The following ARHGEF3 variants were observed in gnomAD, a reference collection of about 807,000 sequenced individuals.
ARHGEF3 encodes the protein Rho guanine nucleotide exchange factor 3.
A neutral mutation model predicts 63.2 loss-of-function variants in ARHGEF3; 28 were observed. The ratio of observed to expected loss-of-function variants is 0.44; its 90% CI spans 0.33 to 0.61. The LOEUF (loss-of-function observed/expected upper bound fraction) is 0.61, where lower values mean the gene tolerates loss of function less well. ARHGEF3 is among the 20% of genes least tolerant of loss of function. ARHGEF3 has a pLI of 0.03. For missense variants in ARHGEF3, 533 were observed against 659.3 expected (o/e 0.81, Z 2.10); for synonymous variants, 266 against 254.2 (o/e 1.05, Z -0.44).
chr3:56,980,587 G>T (rs986940190), intron 2 of ARHGEF3, among the ~76,000 whole-genome samples: 1 of 152,184 alleles, frequency 6.6e-6, no homozygotes, highest in Non-Finnish European at 1.5e-5. Flanking sequence ...TACCCATAAT[G>T]AGTACAATGG....
At chr3:56,823,525 C>T (rs1443819228) in intron 4 of ARHGEF3, among the ~76,000 whole-genome samples, 1 of 152,128 alleles carries the variant, frequency 6.6e-6, no homozygotes, top group Non-Finnish European at 1.5e-5. Context: ...ATCTGACTGG[C>T]TCCCAGAATC....
Position 56,801,715 on chromosome 3 carries a change from G to A in ARHGEF3, c.84C>T (p.Ala28=). The change falls in exon 1 of 10, where the codon GCC becomes GCT. Residue 28 remains alanine, a synonymous_variant. Transcript: ENST00000296315. The part of the protein sequence containing the change: ...SLELPPASGP[A]KDAEEPSNKR... ...GGCGCGGCCCTACCTCAGCGTCCTT[G>A]GCCGGACCGCTGGCCGGGGGTAGCT... 6.4e-7 allele frequency: 1 copy of A among 1,560,944 alleles called. No homozygotes were observed.
chr3:56,732,119 G>T, intron 9 of ARHGEF3, 119 bp downstream of exon 9: 1 of 1,171,066 alleles, frequency 8.5e-7, no homozygotes, highest in Non-Finnish European at 1.2e-6. Flanking sequence ...TGATGAAATA[G>T]CATACAAATG....
At position 56,745,269 on chromosome 3, in the gene ARHGEF3, A is replaced by G. The variant is rs1432762152; in HGVS notation, c.806T>C (p.Leu269Pro). 6.2e-7 allele frequency: 1 copy of G among 1,614,114 alleles called. No homozygotes were observed. The highest frequency in any genetic ancestry group is 2.2e-5 in the East Asian group (1 of 44,886). The change falls in exon 7 of 10, where the codon CTT (leucine) becomes CCT (proline). Residue 269 changes from leucine to proline, a missense_variant. By Grantham distance (98) the Leu-to-Pro change is moderately conservative. Transcript: ENST00000296315. ...PRSRLVKYPL[L>P]LREILRHTPN... is the part of the protein sequence containing the mutation. ...TGTGTGCCTCAAGATTTCTCGGAGA[A>G]GCAGAGGGTATTTTACCAGGCGGCT...
intron 3 of ARHGEF3, among the ~76,000 whole-genome samples, chr3:56,937,123 T>C (rs1183450509): frequency 1.3e-5 from 2 of 152,152 alleles, no homozygotes; most frequent in Non-Finnish European, 2.9e-5. Context: ...GAAATCATGG[T>C]CCTTGATTGG....
chr3:57,049,643 A>G (rs1704592923), intron 1 of ARHGEF3, among the ~76,000 whole-genome samples: 1 of 152,212 alleles, frequency 6.6e-6, no homozygotes. Flanking sequence ...TTTACTACCT[A>G]GAATTGGAGT....
At chr3:56,821,172 T>C (rs1391545855) in intron 4 of ARHGEF3, among the ~76,000 whole-genome samples, 2 of 150,830 alleles carry the variant, frequency 1.3e-5, no homozygotes, top group African/African-American at 4.9e-5. Flanking sequence ...AAAAAATAAA[T>C]AAATAAAAAA....
At chr3:56,737,542 C>T (rs2033714717) in intron 7 of ARHGEF3, among the ~76,000 whole-genome samples, 187 bp from the exon 8 acceptor site, 2 of 151,304 alleles carry the variant, frequency 1.3e-5, no homozygotes, top group Non-Finnish European at 2.9e-5. Context: ...TCTATCTATC[C>T]ATCTGTACAC....
At chr3:56,756,227 T>C (rs2035058122) in intron 2 of ARHGEF3, among the ~76,000 whole-genome samples, 1 of 152,182 alleles carries the variant, frequency 6.6e-6, no homozygotes, top group Admixed American at 6.5e-5. Flanking sequence ...TCATCACACT[T>C]ATTGGAGACT....
chr3:56,820,705 A>C (rs1353371814), intron 4 of ARHGEF3, among the ~76,000 whole-genome samples: 1 of 152,222 alleles, frequency 6.6e-6, no homozygotes, highest in Non-Finnish European at 1.5e-5. Flanking sequence ...AATTAACTGT[A>C]CAAGGACGTC....
intron 3 of ARHGEF3, among the ~76,000 whole-genome samples, chr3:56,947,241 A>G (rs1464247778): frequency 6.6e-6 from 1 of 152,216 alleles, no homozygotes; most frequent in Non-Finnish European, 1.5e-5. Context: ...ATAATCAGCT[A>G]ACATCATGAT....
intron 1 of ARHGEF3, among the ~76,000 whole-genome samples, chr3:57,063,821 C>G (rs1705372549): frequency 2.0e-5 from 3 of 152,092 alleles, no homozygotes; most frequent in Non-Finnish European, 4.4e-5. Context: ...GGAAGCCAAG[C>G]CTGCCTGAAA....
chr3:56,944,072 C>T (rs577213430), intron 3 of ARHGEF3, among the ~76,000 whole-genome samples: 15 of 151,602 alleles, frequency 9.9e-5, no homozygotes, highest in South Asian at 2.1e-4. Context: ...GCTACTCGGG[C>T]GGCTGAGGCA....
In ARHGEF3 at chr3:56,920,743, A is replaced by G. The variant is rs115759828; in HGVS notation, c.129+38080T>C. Among the ~76,000 whole-genome samples the G allele has an allele frequency of 9.0e-3, 1,366 of 152,296 alleles. 22 individuals carry two copies. Among genetic ancestry groups the G allele is most frequent in the African/African-American group, 0.031 (1,286 of 41,558 alleles). The stretch of plus-strand genomic sequence containing the variant: ...AAAATTCCACAAACTGAATTTAAAA[A>G]TAGGTAGTAAAAAAATCTCATGGCC... On this transcript the variant is annotated intron_variant, in intron 3 of 12. Transcript: ENST00000338458.
intron 2 of ARHGEF3, among the ~76,000 whole-genome samples, chr3:56,985,538 C>T (rs1401904516): frequency 6.6e-6 from 1 of 152,256 alleles, no homozygotes; most frequent in African/African-American, 2.4e-5. Flanking sequence ...CACCCCTGAA[C>T]TGGGGCTCTG....
chr3:57,058,475 C>T (rs1013669225), intron 1 of ARHGEF3, among the ~76,000 whole-genome samples: 21 of 152,180 alleles, frequency 1.4e-4, no homozygotes, highest in African/African-American at 4.6e-4. Flanking sequence ...ACTTGAAATG[C>T]TCACATGCCA....
chr3:56,918,495 G>C (rs928345987), intron 3 of ARHGEF3, among the ~76,000 whole-genome samples: 2 of 152,202 alleles, frequency 1.3e-5, no homozygotes, highest in African/African-American at 2.4e-5. Flanking sequence ...GAAACTTGAG[G>C]GGCTCCAGGG....
At chr3:56,983,937 G>A (rs867926246) in intron 2 of ARHGEF3, among the ~76,000 whole-genome samples, 76 of 112,516 alleles carry the variant, frequency 6.8e-4, no homozygotes, top group African/African-American at 1.5e-3. Context: ...TCCGTCTCGA[G>A]AAAAAAAAAA....
intron 4 of ARHGEF3, among the ~76,000 whole-genome samples, chr3:56,866,863 A>C (rs1450374081): frequency 6.6e-6 from 1 of 152,220 alleles, no homozygotes; most frequent in African/African-American, 2.4e-5. Flanking sequence ...GAAAATTTCC[A>C]TTCCTACCAC....
Sources: gnomAD v4.1 joint callset for allele counts (sites outside exome capture counted in the v4.1 genomes callset) on GRCh38, gnomAD v4.1.1 for gene constraint, MANE v1.5 for transcripts, NCBI Gene and HGNC (gene_info 2026-07-23, HGNC 2026-07-21) for gene names.